PHLDB3: variants seen among roughly 807,000 people sequenced by gnomAD.
The protein encoded by PHLDB3 is pleckstrin homology-like domain family B member 3.
PHLDB3 carries 86 observed loss-of-function variants against 85.7 expected under a neutral mutation model. The ratio of observed to expected loss-of-function variants is 1.00; its 90% CI spans 0.84 to 1.20. The LOEUF (loss-of-function observed/expected upper bound fraction) is 1.20. PHLDB3 is among the 50% of genes most tolerant of loss of function. The pLI, the probability that PHLDB3 is intolerant of heterozygous loss-of-function variation, is 0.00. For missense variants in PHLDB3, 995 were observed against 873.0 expected, an observed-to-expected ratio of 1.14 and a Z score of -1.76; for synonymous variants, 376 against 349.8, an observed-to-expected ratio of 1.07 and a Z score of -0.83.
At chr19:43,496,884 AAC>A (rs1491083577) in intron 6 of PHLDB3, 7 of 573,322 alleles carry the variant, frequency 1.2e-5, no homozygotes, top group Non-Finnish European at 1.8e-5. Flanking sequence ...AAAAAAAAAA[AAC>A]GTAATAGAAC....
chr19:43,502,249 G>A lies in PHLDB3; in HGVS notation c.248C>T (p.Thr83Ile). ...EATPPIAMAA[T>I]PPASTSSREG... ...CCGCGAAGAGGTGGATGCGGGAGGT[G>A]TGGCCGCCATAGCTATCGGAGGCGT... The change falls in exon 3 of 16, where the codon ACA becomes ATA. Residue 83 changes from threonine to isoleucine, a missense_variant. By Grantham distance (89) the Thr-to-Ile change is moderately conservative (BLOSUM62 -1). Coordinates refer to ENST00000292140, the MANE Select transcript of PHLDB3 (RefSeq NM_198850.4). The A allele has an allele frequency of 1.3e-6, 2 of 1,564,572 alleles. No individual in the cohort carries two copies. The highest frequency in any genetic ancestry group is 1.7e-6 in the Non-Finnish European group (2 of 1,157,278).
intron 6 of PHLDB3, 179 bp from the exon 7 acceptor site, chr19:43,495,799 T>C: frequency 1.3e-6 from 1 of 795,462 alleles, no homozygotes; most frequent in Admixed American, 3.2e-5. Flanking sequence ...CTTTTGAGGG[T>C]CCAGAAGAGA....
intron 9 of PHLDB3, among the ~76,000 whole-genome samples, chr19:43,492,475 A>G (rs1971342785): frequency 6.6e-6 from 1 of 152,112 alleles, no homozygotes; most frequent in South Asian, 2.1e-4. Flanking sequence ...TCAGCCTCCC[A>G]AAATGCTGGG....
At chr19:43,476,492 C>G (rs897035841) in intron 15 of PHLDB3, among the ~76,000 whole-genome samples, 1 of 151,718 alleles carries the variant, frequency 6.6e-6, no homozygotes, top group Non-Finnish European at 1.5e-5. Context: ...AAAAAAATAC[C>G]AGAAAAACAA....
At position 43,494,774 on chromosome 19, in the gene PHLDB3, G is replaced by A. The variant is rs61732260; in HGVS notation, c.1077C>T (p.Leu359=). 10,374 of 1,613,338 alleles carry A rather than the reference G, an allele frequency of 6.4e-3. 472 individuals are homozygous for A. The African/African-American group carries it at 0.11, about 17-fold the overall frequency. Reference sequence around the variant, plus strand: ...CAGCGGAGTGGGCCACGGCATCCTGGAGCACCAGCAGCTGGCGGTCTGTCT... The same window carrying A: ...CAGCGGAGTGGGCCACGGCATCCTGAAGCACCAGCAGCTGGCGGTCTGTCT... ...TQKTDRQLLV[L]QDAVAHSAAT... The change falls in exon 9 of 16, where the codon CTC becomes CTT. Residue 359 remains leucine, a synonymous_variant. Transcript: ENST00000292140.
At chr19:43,479,695 C>A in intron 13 of PHLDB3, 102 bp from the exon 14 acceptor site, 1 of 750,996 alleles carries the variant, frequency 1.3e-6, no homozygotes, top group Non-Finnish European at 2.2e-6. Flanking sequence ...ATGTAAGGCC[C>A]GCTACAGCCT....
At chr19:43,500,516 C>T (rs1971562674) in intron 4 of PHLDB3, among the ~76,000 whole-genome samples, 2 of 152,276 alleles carry the variant, frequency 1.3e-5, no homozygotes, top group Admixed American at 1.3e-4. Context: ...ATGGGCAAGA[C>T]GTATCAGCCA....
Position 43,495,565 on chromosome 19 carries a change from C to A in PHLDB3, c.881G>T (p.Gly294Val), listed in dbSNP as rs1329320165. ...CCGGCTCTCGGCTGCCATCTGCTCC[C>A]CCAGTGACTTGAGCTGCTCTTCCAG... is the stretch of plus-strand genomic sequence containing the variant. ...RVLEEQLKSL[G>V]EQMAAESRGL... The change falls in exon 7 of 16, where the codon GGG becomes GTG. Residue 294 changes from glycine to valine, a missense_variant. By Grantham distance (109) the Gly-to-Val change is moderately radical. Coordinates refer to ENST00000292140, the MANE Select transcript of PHLDB3 (RefSeq NM_198850.4). 1 of 1,610,430 alleles carries A rather than the reference C, an allele frequency of 6.2e-7. No homozygotes were observed. Among genetic ancestry groups the A allele is most frequent in the African/African-American group, 1.3e-5 (1 of 74,818 alleles).
At chr19:43,503,068 T>A (rs1276599996) in intron 2 of PHLDB3, among the ~76,000 whole-genome samples, 1 of 152,164 alleles carries the variant, frequency 6.6e-6, no homozygotes, top group Non-Finnish European at 1.5e-5. Flanking sequence ...TTTGTCTATT[T>A]GTTTCTCTGA....
chr19:43,487,735 G>T (rs552152036), intron 9 of PHLDB3, among the ~76,000 whole-genome samples: 1 of 152,136 alleles, frequency 6.6e-6, no homozygotes, highest in South Asian at 2.1e-4. Flanking sequence ...TAATGAAAAT[G>T]TTCTAAAATT....
At chr19:43,500,637 TATTA>T (rs974630410) in intron 4 of PHLDB3, among the ~76,000 whole-genome samples, 1 of 151,996 alleles carries the variant, frequency 6.6e-6, no homozygotes, top group African/African-American at 2.4e-5. Context: ...ACTAAGAACT[TATTA>T]ATTTTTTATT....
chr19:43,482,580 C>T (rs1177796424), intron 13 of PHLDB3, among the ~76,000 whole-genome samples: 1 of 152,182 alleles, frequency 6.6e-6, no homozygotes, highest in Non-Finnish European at 1.5e-5. Flanking sequence ...GCTCTGTCAC[C>T]CAGGCTGGAG....
rs1459114752 is a variant in PHLDB3 at position 43,500,921 on chromosome 19, C to A, written c.534+813G>T. ...CCCCGCCCCCCGTACCCCCCCCCCA[C>A]CCCGCAAGTACTGGGATTACAGGTG... On this transcript the variant is annotated intron_variant, in intron 4 of 15. Transcript: ENST00000292140. 5.2e-5 allele frequency among the ~76,000 whole-genome samples: 6 copies of A among 115,564 alleles called. 1 individual carries two copies. In the South Asian group the frequency reaches 1.6e-3, roughly 30 times the overall value. The allele number at this position is 115,564 out of a possible 152,430, so 75.8% of individuals were successfully genotyped here. A position where few individuals can be genotyped will look rare whatever the true frequency, so the allele number is the denominator to read the frequency against.
Position 43,497,804 on chromosome 19 carries a change from G to A in PHLDB3, c.607C>T (p.Gln203Ter), listed in dbSNP as rs1204382076. 1.3e-6 allele frequency: 2 copies of A among 1,560,526 alleles called. No individual in the cohort carries two copies. The highest frequency in any genetic ancestry group is 3.9e-5 in the Admixed American group (2 of 51,766). ...TGGTCCTCTGGCTGTGAGTCGAGCT[G>A]TCCCTGGGCCTTGCGGAGTCTCTGG... ...LRQRLRKAQGQLDSQPEDQRE... is the reference protein window; with the variant it reads ...LRQRLRKAQG Residue 203 changes from glutamine to a stop codon, truncating the protein, a stop_gained, in exon 5 of 16, where the codon CAG becomes TAG. Transcript: ENST00000292140. LOFTEE classifies it high-confidence loss of function.
chr19:43,491,080 G>C (rs955173678), intron 9 of PHLDB3, among the ~76,000 whole-genome samples: 5 of 152,146 alleles, frequency 3.3e-5, no homozygotes, highest in Non-Finnish European at 7.4e-5. Context: ...CTGTGCACAG[G>C]GGCCAACAAG....
intron 14 of PHLDB3, among the ~76,000 whole-genome samples, chr19:43,478,996 A>C (rs1469202766): frequency 6.6e-6 from 1 of 152,198 alleles, no homozygotes; most frequent in African/African-American, 2.4e-5. Context: ...GAGAAGAAGG[A>C]CAAGGGCCCC....
chr19:43,502,234 G>A lies in PHLDB3; in HGVS notation c.263C>T (p.Thr88Ile). ...CCCTCGCACCCCTTCCCGCGAAGAG[G>A]TGGATGCGGGAGGTGTGGCCGCCAT... is the stretch of plus-strand genomic sequence containing the variant. Reference protein sequence around the residue: ...IAMAATPPASTSSREGVRGAA... With the variant: ...IAMAATPPASISSREGVRGAA... Residue 88 changes from threonine (T) to isoleucine (I), a missense_variant, in exon 3 of 16, where the codon ACC (threonine) becomes ATC (isoleucine). Transcript: ENST00000292140. The A allele has an allele frequency of 1.3e-6, 2 of 1,563,960 alleles. No homozygotes were observed. The highest frequency in any genetic ancestry group is 1.7e-6 in the Non-Finnish European group (2 of 1,156,026).
At chr19:43,492,006 A>T (rs1461780555) in intron 9 of PHLDB3, among the ~76,000 whole-genome samples, 1 of 134,426 alleles carries the variant, frequency 7.4e-6, no homozygotes, top group African/African-American at 2.8e-5. Context: ...CCCAGGCTGG[A>T]GAGCAGTGGC....
chr19:43,486,003 T>C (rs1235898603), intron 13 of PHLDB3: 1 of 985,326 alleles, frequency 1.0e-6, no homozygotes, highest in Non-Finnish European at 1.2e-6. Context: ...CTGTACTGAC[T>C]GCTGACATTG....
Sources: allele counts gnomAD v4.1 joint callset (sites outside exome capture counted in the v4.1 genomes callset), GRCh38; gene constraint gnomAD v4.1.1; transcripts MANE v1.5; gene names NCBI Gene and HGNC (gene_info 2026-07-23, HGNC 2026-07-21).